The following PSMD1 variants were observed in gnomAD, a reference collection of about 807,000 sequenced individuals.
PSMD1 encodes proteasome 26S subunit, non-ATPase 1.
Under a neutral mutation model 119.0 loss-of-function variants are expected in PSMD1, and 18 were observed. The observed-to-expected ratio is 0.15, with a 90% CI of 0.10 to 0.22. PSMD1 has a LOEUF of 0.22. PSMD1 is among the 10% of genes least tolerant of loss of function. PSMD1 has a pLI of 1.00. For synonymous variants in PSMD1, 374 were observed against 396.6 expected, an observed-to-expected ratio of 0.94 and a Z score of 0.68; for missense variants, 702 against 1,158.5, an observed-to-expected ratio of 0.61 and a Z score of 5.72.
At chr2:231,079,410 T>C (rs1337542705) in intron 10 of PSMD1, 126 bp from the exon 11 acceptor site, 4 of 514,418 alleles carry the variant, frequency 7.8e-6, no homozygotes, top group African/African-American at 1.9e-5. Context: ...AGTAGTAACT[T>C]GAGATCCACA....
intron 12 of PSMD1, among the ~76,000 whole-genome samples, chr2:231,082,208 A>T (rs1229940712): frequency 6.6e-6 from 1 of 152,120 alleles, no homozygotes; most frequent in Non-Finnish European, 1.5e-5. Flanking sequence ...GATCACAGGC[A>T]TGCACCACCA....
At chr2:231,163,588 A>G (rs1696688864) in intron 20 of PSMD1, 47 bp from the exon 21 acceptor site, 2 of 1,418,926 alleles carry the variant, frequency 1.4e-6, no homozygotes, top group African/African-American at 1.4e-5. Flanking sequence ...GCCTGTGGAG[A>G]GCACAGAGTA....
Position 231,062,558 on chromosome 2 carries a change from G to T in PSMD1, c.187G>T (p.Val63Leu). 1 of 1,610,982 alleles carries T rather than the reference G, an allele frequency of 6.2e-7. No individual in the cohort carries two copies. The highest frequency in any genetic ancestry group is 1.7e-5 in the Admixed American group (1 of 58,794). Residue 63 changes from valine to leucine, a missense_variant, in exon 4 of 25, where the codon GTG becomes TTG. By Grantham distance (32) the Val-to-Leu change is conservative. Coordinates refer to ENST00000308696, the MANE Select transcript of PSMD1 (RefSeq NM_002807.4). ...CCGGAGTCGGCAGTTTGCAGCCTTA[G>T]TGGCATCTAAAGTATTTTATCACCT... The part of the protein sequence containing the change: ...GFRSRQFAAL[V>L]ASKVFYHLGA...
At chr2:231,137,330 G>T (rs1161939627) in intron 16 of PSMD1, among the ~76,000 whole-genome samples, 3 of 151,614 alleles carry the variant, frequency 2.0e-5, no homozygotes, top group African/African-American at 7.3e-5. Context: ...TGGCCATCTG[G>T]TCTCAAACTC....
At chr2:231,167,686 A>G (rs1559256813) in intron 23 of PSMD1, among the ~76,000 whole-genome samples, 1 of 152,258 alleles carries the variant, frequency 6.6e-6, no homozygotes, top group Non-Finnish European at 1.5e-5. Context: ...TTTAGTGGAC[A>G]CACAAATCAG....
intron 18 of PSMD1, among the ~76,000 whole-genome samples, chr2:231,147,244 G>A (rs531473485): frequency 6.6e-6 from 1 of 152,184 alleles, no homozygotes; most frequent in South Asian, 2.1e-4. Context: ...TATAATCCCA[G>A]TACTCCCGGA....
At chr2:231,123,278 G>T (rs1384305448) in intron 16 of PSMD1, 3 of 736,378 alleles carry the variant, frequency 4.1e-6, no homozygotes, top group Non-Finnish European at 7.2e-6. Context: ...ACAAGGGACT[G>T]TTTACTTGCC....
At chr2:231,081,503 C>T (rs1438507065) in intron 12 of PSMD1, among the ~76,000 whole-genome samples, 1 of 152,186 alleles carries the variant, frequency 6.6e-6, no homozygotes, top group Non-Finnish European at 1.5e-5. Flanking sequence ...CTTTTCAGGA[C>T]CCTACCTTCA....
At chr2:231,083,862 G>A in intron 14 of PSMD1, 99 bp downstream of exon 14, 2 of 1,183,958 alleles carry the variant, frequency 1.7e-6, no homozygotes, top group South Asian at 1.5e-5. Context: ...GAACATGTAG[G>A]TACACTTATT....
At chr2:231,158,482 T>C (rs754300495) in intron 19 of PSMD1, among the ~76,000 whole-genome samples, 4 of 152,194 alleles carry the variant, frequency 2.6e-5, no homozygotes, top group Non-Finnish European at 5.9e-5. Context: ...AAATTATCAA[T>C]ATGATAAACT....
At chr2:231,148,635 T>C (rs768582092) in intron 18 of PSMD1, among the ~76,000 whole-genome samples, 1 of 152,194 alleles carries the variant, frequency 6.6e-6, no homozygotes, top group Non-Finnish European at 1.5e-5. Flanking sequence ...TACCACTGAC[T>C]AAAAAAGCAA....
At chr2:231,082,776 A>G in intron 12 of PSMD1, 107 bp from the exon 13 acceptor site, 3 of 775,676 alleles carry the variant, frequency 3.9e-6, no homozygotes, top group Non-Finnish European at 6.3e-6. Context: ...ATTCTTACTG[A>G]GCCAACCTCT....
intron 18 of PSMD1, among the ~76,000 whole-genome samples, chr2:231,152,011 G>A (rs906230379): frequency 4.0e-5 from 6 of 151,748 alleles, no homozygotes; most frequent in South Asian, 4.2e-4. Context: ...ACAGGGCTTC[G>A]CCATATTGGG....
intron 15 of PSMD1, among the ~76,000 whole-genome samples, 198 bp downstream of exon 15, chr2:231,085,312 TAAC>T (rs1240405059): frequency 6.6e-6 from 1 of 152,164 alleles, no homozygotes; most frequent in Non-Finnish European, 1.5e-5. Flanking sequence ...TGGGATGGGA[TAAC>T]AGTCCCATAT....
intron 5 of PSMD1, among the ~76,000 whole-genome samples, chr2:231,068,219 T>G (rs1460129412): frequency 6.6e-6 from 1 of 152,202 alleles, no homozygotes; most frequent in African/African-American, 2.4e-5. Context: ...TTGTGCCTTT[T>G]TCACCACTGT....
At chr2:231,088,387 A>T (rs1437424816) in intron 16 of PSMD1, among the ~76,000 whole-genome samples, 1 of 152,228 alleles carries the variant, frequency 6.6e-6, no homozygotes, top group African/African-American at 2.4e-5. Flanking sequence ...CTTTGCAGAT[A>T]CTGCATTTGT....
At chr2:231,064,905 A>G (rs1017484459) in intron 4 of PSMD1, among the ~76,000 whole-genome samples, 1 of 117,268 alleles carries the variant, frequency 8.5e-6, no homozygotes, top group Non-Finnish European at 1.6e-5. Flanking sequence ...CAAGTGATCC[A>G]CTTGCCTCGG....
At chr2:231,160,870 C>G (rs1696623051) in intron 19 of PSMD1, among the ~76,000 whole-genome samples, 1 of 152,134 alleles carries the variant, frequency 6.6e-6, no homozygotes, top group Non-Finnish European at 1.5e-5. Flanking sequence ...ATGAATTGTG[C>G]TTTTAAAATC....
chr2:231,106,033 T>C (rs955248273), intron 16 of PSMD1, among the ~76,000 whole-genome samples: 6 of 142,292 alleles, frequency 4.2e-5, no homozygotes, highest in Non-Finnish European at 9.1e-5. Flanking sequence ...TTTTTTTTTT[T>C]CAAAATTATT....
Sources: allele counts gnomAD v4.1 joint callset (sites outside exome capture counted in the v4.1 genomes callset), GRCh38; gene constraint gnomAD v4.1.1; transcripts MANE v1.5; gene names NCBI Gene and HGNC (gene_info 2026-07-23, HGNC 2026-07-21).